The following NBDY variants were observed in gnomAD, a reference collection of about 807,000 sequenced individuals.
NBDY encodes the protein negative regulator of P-body association, also known as P-body dissociating protein.
chrX:56,792,793 C>T (rs976254653), intron 2 of NBDY, among the ~76,000 whole-genome samples: 3 of 111,448 alleles, frequency 2.7e-5, no homozygotes, highest in African/African-American at 9.8e-5. Flanking sequence ...GTCATCATGC[C>T]ATTTATTGGG....
intron 2 of NBDY, among the ~76,000 whole-genome samples, chrX:56,790,613 C>A (rs1440449071): frequency 8.9e-6 from 1 of 112,434 alleles, no homozygotes; most frequent in Non-Finnish European, 1.9e-5. Context: ...CTGACTGCGT[C>A]TTTAGGAGTG....
rs754924869 is a variant in NBDY, at chrX:56,810,113, G to A, written c.*167-7207G>A. The stretch of plus-strand genomic sequence containing the variant: ...TTTTCTGGCTTGTAGGGTTTCTCCC[G>A]AGAGACCTGCTGTTAGTCTGATTGG... On this transcript the variant is annotated intron_variant, in intron 2 of 2. Transcript: ENST00000374922. Among the ~76,000 whole-genome samples, 3 of 111,748 alleles carry A rather than the reference G, an allele frequency of 2.7e-5. No individual in the cohort carries two copies. The South Asian group carries it at 1.1e-3, about 42-fold the overall frequency.
At chrX:56,735,791 T>A (rs1317119689) in intron 2 of NBDY, among the ~76,000 whole-genome samples, 1 of 111,772 alleles carries the variant, frequency 8.9e-6, no homozygotes, top group Non-Finnish European at 1.9e-5. Context: ...AGACAGTCCG[T>A]CTTTTCTGCC....
At chrX:56,760,965 C>T (rs1286764065) in intron 2 of NBDY, among the ~76,000 whole-genome samples, 1 of 111,233 alleles carries the variant, frequency 9.0e-6, no homozygotes, top group African/African-American at 3.3e-5. Flanking sequence ...TGTAGGTCTG[C>T]ATTCCAGCCA....
At chrX:56,811,675 A>C (rs1023666683) in intron 2 of NBDY, among the ~76,000 whole-genome samples, 6 of 112,018 alleles carry the variant, frequency 5.4e-5, no homozygotes, top group African/African-American at 1.9e-4. Context: ...AAGCCAGTAG[A>C]TCTTAGCTTG....
At chrX:56,765,791 C>T (rs2069662603) in intron 2 of NBDY, among the ~76,000 whole-genome samples, 1 of 110,096 alleles carries the variant, frequency 9.1e-6, no homozygotes, top group South Asian at 4.1e-4. Flanking sequence ...ACTCCTCCTC[C>T]CCCTCCCCCT....
At chrX:56,785,379 G>A (rs1004349978) in intron 2 of NBDY, among the ~76,000 whole-genome samples, 8 of 110,613 alleles carry the variant, frequency 7.2e-5, no homozygotes, top group Non-Finnish European at 1.3e-4. Context: ...CTCCCATCAC[G>A]CTTCAACTTT....
At chrX:56,767,004 C>T (rs888045855) in intron 2 of NBDY, among the ~76,000 whole-genome samples, 2 of 112,926 alleles carry the variant, frequency 1.8e-5, no homozygotes, top group Admixed American at 9.3e-5. Context: ...TTCGGACCTC[C>T]ATGTGCCATC....
At chrX:56,756,954 GA>G (rs767001639) in intron 2 of NBDY, among the ~76,000 whole-genome samples, 8 of 110,512 alleles carry the variant, frequency 7.2e-5, no homozygotes, top group African/African-American at 2.6e-4. Flanking sequence ...GACTCTCCCT[GA>G]AAAAAAGAAA....
At chrX:56,767,358 G>C (rs2072507576) in intron 2 of NBDY, among the ~76,000 whole-genome samples, 2 of 113,193 alleles carry the variant, frequency 1.8e-5, no homozygotes, top group Non-Finnish European at 3.8e-5. Context: ...GCTCGCTCTC[G>C]GCGCCCCCTC....
chrX:56,754,221 A>G (rs1293961754), intron 2 of NBDY, among the ~76,000 whole-genome samples: 1 of 111,560 alleles, frequency 9.0e-6, no homozygotes. Context: ...AGAAATAAAC[A>G]GTTCCACAAT....
At chrX:56,805,165 G>A (rs1770151777) in intron 2 of NBDY, among the ~76,000 whole-genome samples, 1 of 112,277 alleles carries the variant, frequency 8.9e-6, no homozygotes, top group African/African-American at 3.2e-5. Flanking sequence ...TCTGTCACTT[G>A]TCAACAAATG....
chrX:56,817,699 CATTT>C lies in NBDY; in HGVS notation c.*553_*556del, dbSNP rs1433189375. 1 of 111,724 alleles carries C rather than the reference CATTT, an allele frequency of 9.0e-6. No homozygotes were observed. Among genetic ancestry groups the C allele is most frequent in the East Asian group, 2.8e-4 (1 of 3,602 alleles). 9.2% of individuals were successfully genotyped at this position (111,724 alleles called of 1,213,427 possible). On this transcript the variant is annotated 3_prime_UTR_variant, in exon 3 of 3. Coordinates refer to ENST00000374922, the MANE Select transcript of NBDY (RefSeq NM_001348129.2). The stretch of plus-strand genomic sequence containing the variant: ...ATATGACCTTCTTCCTACATTTATT[CATTT>C]ATTTATGTCTATTTATTCATTTATT...
intron 2 of NBDY, among the ~76,000 whole-genome samples, chrX:56,792,120 C>G (rs1324072302): frequency 1.8e-5 from 2 of 111,192 alleles, no homozygotes; most frequent in African/African-American, 6.6e-5. Flanking sequence ...GTCTGCAGCA[C>G]TAGGCCTGGA....
intron 2 of NBDY, among the ~76,000 whole-genome samples, chrX:56,782,471 C>G (rs2069698917): frequency 8.9e-6 from 1 of 111,831 alleles, no homozygotes; most frequent in African/African-American, 3.3e-5. Context: ...CAGCATGTCT[C>G]TCTGCAGTAC....
At chrX:56,753,971 G>C (rs1302871089) in intron 2 of NBDY, among the ~76,000 whole-genome samples, 1 of 111,256 alleles carries the variant, frequency 9.0e-6, no homozygotes, top group Non-Finnish European at 1.9e-5. Context: ...TTTGAGCTGT[G>C]ATGAGTAGCA....
intron 2 of NBDY, among the ~76,000 whole-genome samples, chrX:56,815,745 T>C (rs1020145559): frequency 9.8e-5 from 11 of 112,105 alleles, no homozygotes; most frequent in Non-Finnish European, 5.6e-5. Context: ...GAGATATTAT[T>C]AAATAAATAA....
At chrX:56,811,991 TG>T (rs1412961833) in intron 2 of NBDY, among the ~76,000 whole-genome samples, 4 of 110,988 alleles carry the variant, frequency 3.6e-5, no homozygotes, top group African/African-American at 1.3e-4. Flanking sequence ...TGGCTTCCCT[TG>T]GCTAGGAGAG....
At chrX:56,785,434 C>T (rs988305099) in intron 2 of NBDY, among the ~76,000 whole-genome samples, 9 of 111,150 alleles carry the variant, frequency 8.1e-5, no homozygotes, top group Non-Finnish European at 1.3e-4. Context: ...GACAAATACA[C>T]GTATCCCCAC....
Sources: allele counts gnomAD v4.1 joint callset (sites outside exome capture counted in the v4.1 genomes callset), GRCh38; gene constraint gnomAD v4.1.1; transcripts MANE v1.5; gene names NCBI Gene and HGNC (gene_info 2026-07-23, HGNC 2026-07-21).